The following TSPAN19 variants were observed in gnomAD, a reference collection of about 807,000 sequenced individuals.
The protein encoded by TSPAN19 is tetraspanin-19.
A neutral mutation model predicts 35.1 loss-of-function variants in TSPAN19; 44 were observed. That is an observed-to-expected ratio of 1.25 (90% CI 0.98 to 1.61). TSPAN19 has a LOEUF of 1.61. TSPAN19 is among the 40% of genes most tolerant of loss of function. The pLI, the probability that TSPAN19 is intolerant of heterozygous loss-of-function variation, is 0.00. For missense variants in TSPAN19, 290 were observed against 280.0 expected (o/e 1.04, Z -0.26); for synonymous variants, 79 against 92.0 (o/e 0.86, Z 0.81).
chr12:85,034,658 C>T (rs1018048830), intron 1 of TSPAN19, among the ~76,000 whole-genome samples: 16 of 152,164 alleles, frequency 1.1e-4, no homozygotes, highest in African/African-American at 2.7e-4. Flanking sequence ...CTGCTAAATA[C>T]TACATGGTTG....
At chr12:85,028,345 C>A (rs1877523149) in intron 3 of TSPAN19, among the ~76,000 whole-genome samples, 1 of 152,122 alleles carries the variant, frequency 6.6e-6, no homozygotes, top group African/African-American at 2.4e-5. Context: ...AATGTATATT[C>A]AAACATTCAT....
At chr12:85,020,517 G>A (rs536327183) in intron 5 of TSPAN19, among the ~76,000 whole-genome samples, 38 of 151,990 alleles carry the variant, frequency 2.5e-4, no homozygotes, top group Middle Eastern at 6.8e-3. Context: ...TAGCACCTTG[G>A]TATGTGAGTA....
In TSPAN19 at chr12:85,017,542, T is replaced by G. The variant is rs1316763533; in HGVS notation, c.508A>C (p.Asn170His). The change falls in exon 7 of 9, where the codon AAT becomes CAT. Residue 170 changes from asparagine (N) to histidine (H), a missense_variant. Asn to His is a moderately conservative substitution (Grantham distance 68). Coordinates refer to ENST00000532498, the MANE Select transcript of TSPAN19 (RefSeq NM_001100917.2). The stretch of plus-strand genomic sequence containing the variant: ...CAAGAACATGGCACCTGTCCTGAAT[T>G]TTCTTTGTTCTTATTCTTTATCCAG... ...TDWIKNKNKE[N>H]SGQVPCSCTK... 2.5e-6 allele frequency: 4 copies of G among 1,599,230 alleles called. No individual in the cohort carries two copies. Among genetic ancestry groups the G allele is most frequent in the East Asian group, 2.3e-5 (1 of 44,402 alleles).
intron 1 of TSPAN19, among the ~76,000 whole-genome samples, chr12:85,035,431 A>G (rs1042787466): frequency 1.3e-5 from 2 of 152,180 alleles, no homozygotes; most frequent in Non-Finnish European, 2.9e-5. Flanking sequence ...CTTTCCTGAA[A>G]AGGAAACTAA....
At chr12:85,014,801 A>G (rs1876699796) in intron 8 of TSPAN19, 1 of 304,746 alleles carries the variant, frequency 3.3e-6, no homozygotes, top group South Asian at 9.5e-5. Flanking sequence ...TTTAGGTTTT[A>G]ATTACATTAG....
chr12:85,030,194 T>C (rs917147059), intron 1 of TSPAN19, among the ~76,000 whole-genome samples: 2 of 152,134 alleles, frequency 1.3e-5, no homozygotes, highest in Admixed American at 6.6e-5. Context: ...AATAAATATA[T>C]ATCTGCAATG....
rs1034350404 is a variant in TSPAN19, at chr12:85,027,789, G to A, written c.264+110C>T. Reference sequence around the variant, plus strand: ...GTGTGCTTCATTTGAATTACTCTAAGGACATACTCTACTGCAGTGCCATGC... The same window carrying A: ...GTGTGCTTCATTTGAATTACTCTAAAGACATACTCTACTGCAGTGCCATGC... On this transcript the variant is annotated intron_variant, in intron 4 of 8. Coordinates refer to ENST00000532498, the MANE Select transcript of TSPAN19 (RefSeq NM_001100917.2). 1.3e-5 allele frequency: 14 copies of A among 1,090,582 alleles called. No individual in the cohort carries two copies. In the Admixed American group the frequency reaches 4.2e-4, roughly 33 times the overall value. 67.6% of individuals were successfully genotyped at this position (1,090,582 alleles called of 1,614,324 possible). A position where few individuals can be genotyped will look rare whatever the true frequency, so the allele number is the denominator to read the frequency against.
At chr12:85,026,637 T>C (rs773671236) in intron 4 of TSPAN19, among the ~76,000 whole-genome samples, 1 of 152,056 alleles carries the variant, frequency 6.6e-6, no homozygotes, top group Non-Finnish European at 1.5e-5. Context: ...TACCTCCCAA[T>C]TGCTGTGTCA....
chr12:85,024,302 T>A (rs1877280192), intron 4 of TSPAN19, among the ~76,000 whole-genome samples: 3 of 152,210 alleles, frequency 2.0e-5, no homozygotes, highest in Non-Finnish European at 4.4e-5. Flanking sequence ...AAGCAGGAGA[T>A]GACTGAAGAC....
intron 8 of TSPAN19, chr12:85,015,572 A>T (rs1876748762): frequency 5.6e-6 from 1 of 179,676 alleles, no homozygotes; most frequent in African/African-American, 2.4e-5. Context: ...ACACACACAC[A>T]CACACACACA....
Position 85,027,225 on chromosome 12 carries a change from C to T in TSPAN19, c.264+674G>A, listed in dbSNP as rs563065059. 3.3e-5 allele frequency among the ~76,000 whole-genome samples: 5 copies of T among 152,090 alleles called. No individual in the cohort carries two copies. In the East Asian group the frequency reaches 7.8e-4, roughly 24 times the overall value. On this transcript the variant is annotated intron_variant, in intron 4 of 8. Transcript: ENST00000532498. Reference sequence around the variant, plus strand: ...AATTATAGTTCTCTTTTAAAAATAACAATTTGTGATCTCAATTATAAGTTA... The same window carrying T: ...AATTATAGTTCTCTTTTAAAAATAATAATTTGTGATCTCAATTATAAGTTA...
chr12:85,035,294 T>C (rs2135827246), intron 1 of TSPAN19: 1 of 152,218 alleles, frequency 6.6e-6, no homozygotes, highest in African/African-American at 2.4e-5. Flanking sequence ...TTCAATAGTC[T>C]ATAAATCAGC....
intron 6 of TSPAN19, among the ~76,000 whole-genome samples, chr12:85,019,328 A>G (rs1363531472): frequency 1.3e-5 from 2 of 151,914 alleles, no homozygotes; most frequent in Non-Finnish European, 2.9e-5. Flanking sequence ...GCTTAAACTT[A>G]TCTCCCATCA....
chr12:85,023,408 A>C lies in TSPAN19; in HGVS notation c.265-8T>G. 1 of 1,565,722 alleles carries C rather than the reference A, an allele frequency of 6.4e-7. No homozygotes were observed. Among genetic ancestry groups the C allele is most frequent in the Non-Finnish European group, 8.7e-7 (1 of 1,153,328 alleles). Reference sequence around the variant, plus strand: ...TGTTATCAATACTGCATACTAAAACAAAAGAAAAATAGAGATGATGACTAT... The same window carrying C: ...TGTTATCAATACTGCATACTAAAACCAAAGAAAAATAGAGATGATGACTAT... On this transcript the variant is annotated splice_region_variant and splice_polypyrimidine_tract_variant and intron_variant, in intron 4 of 8. Transcript: ENST00000532498.
At chr12:85,035,529 C>T (rs541263627) in intron 1 of TSPAN19, among the ~76,000 whole-genome samples, 2 of 151,898 alleles carry the variant, frequency 1.3e-5, no homozygotes, top group Non-Finnish European at 2.9e-5. Context: ...TTATTGTTAC[C>T]AGGAAATGTA....
Position 85,028,006 on chromosome 12 carries a change from T to G in TSPAN19, c.157A>C (p.Ile53Leu). 2.5e-6 allele frequency: 4 copies of G among 1,573,488 alleles called. No individual in the cohort carries two copies. Among genetic ancestry groups the G allele is most frequent in the Non-Finnish European group, 3.5e-6 (4 of 1,155,474 alleles). Reference protein sequence around the residue: ...LTAFDENNHFIVPISQILIGM... With the variant: ...LTAFDENNHFLVPISQILIGM... ...ATCAAAATTTGAGAAATAGGTACTA[T>G]GAAGTGATTATTTTCATCTGTGAAA... The change falls in exon 4 of 9, where the codon ATA becomes CTA. Residue 53 changes from isoleucine (I) to leucine (L), a missense_variant. Ile to Leu is a conservative substitution (Grantham distance 5). Coordinates refer to ENST00000532498, the MANE Select transcript of TSPAN19 (RefSeq NM_001100917.2).
chr12:85,028,057 G>C, intron 3 of TSPAN19, 34 bp from the exon 4 acceptor site: 1 of 1,452,894 alleles, frequency 6.9e-7, no homozygotes, highest in Non-Finnish European at 9.3e-7. Flanking sequence ...ATTATGAAGT[G>C]GTATTTTATA....
intron 8 of TSPAN19, 148 bp from the exon 9 acceptor site, chr12:85,014,703 A>T (rs1010996587): frequency 1.9e-6 from 1 of 534,172 alleles, no homozygotes; most frequent in Non-Finnish European, 3.3e-6. Context: ...AGGTACATAC[A>T]GTTGTGAATA....
chr12:85,026,876 A>G (rs1877442442), intron 4 of TSPAN19, among the ~76,000 whole-genome samples: 1 of 152,156 alleles, frequency 6.6e-6, no homozygotes, highest in Admixed American at 6.5e-5. Flanking sequence ...TAACTGGCAT[A>G]GACTGATAAC....
Sources: allele counts gnomAD v4.1 joint callset (sites outside exome capture counted in the v4.1 genomes callset), GRCh38; gene constraint gnomAD v4.1.1; transcripts MANE v1.5; gene names NCBI Gene and HGNC (gene_info 2026-07-23, HGNC 2026-07-21).